The following HMX1 variants were observed in gnomAD, a reference collection of about 807,000 sequenced individuals.
The protein encoded by HMX1 is H6 family homeobox 1.
Under a neutral mutation model 8.9 loss-of-function variants are expected in HMX1, and 8 were observed. The ratio of observed to expected loss-of-function variants is 0.90; its 90% confidence interval spans 0.53 to 1.63. HMX1 has a LOEUF of 1.63. Ranked by LOEUF, HMX1 falls within the 40% of genes most tolerant of loss-of-function variation. The pLI, the probability that HMX1 is intolerant of heterozygous loss-of-function variation, is 0.00. For missense variants in HMX1, 621 were observed against 558.5 expected, an observed-to-expected ratio of 1.11 and a Z score of -1.13; for synonymous variants, 311 against 283.4, an observed-to-expected ratio of 1.10 and a Z score of -0.98.
At chr4:8,852,482 G>A (rs1481092592) in intron 1 of HMX1, among the ~76,000 whole-genome samples, 2 of 152,232 alleles carry the variant, frequency 1.3e-5, no homozygotes, top group Non-Finnish European at 2.9e-5. Flanking sequence ...CTTCCTCCAG[G>A]TCGGCCTGAC....
At chr4:8,859,249 T>C (rs1475738710) in intron 1 of HMX1, among the ~76,000 whole-genome samples, 1 of 149,506 alleles carries the variant, frequency 6.7e-6, no homozygotes, top group African/African-American at 2.5e-5. Context: ...CAGGCAAATA[T>C]GGGGGATTCT....
At position 8,861,827 on chromosome 4, in the gene HMX1, T is replaced by G. The variant is rs138320412; in HGVS notation, c.394+9394A>C. ...CGCACCTTTCGCGTGGGTCGGGCGC[T>G]GCAGACCAAGCACGCCGAGTGCGTC... On this transcript the variant is annotated intron_variant, in intron 1 of 1. Transcript: ENST00000506970. Among the ~76,000 whole-genome samples, 569 of 152,348 alleles carry G rather than the reference T, an allele frequency of 3.7e-3. 9 individuals carry two copies. Among genetic ancestry groups the G allele is most frequent in the East Asian group, 0.027 (142 of 5,166 alleles).
chr4:8,864,240 G>A (rs1721920061), downstream of HMX1, among the ~76,000 whole-genome samples: 1 of 152,226 alleles, frequency 6.6e-6, no homozygotes, highest in Non-Finnish European at 1.5e-5. Context: ...GGAAACGGAG[G>A]CCTGGAGGAG....
intron 1 of HMX1, among the ~76,000 whole-genome samples, chr4:8,860,059 T>C (rs1381389619): frequency 6.6e-6 from 1 of 152,208 alleles, no homozygotes; most frequent in East Asian, 1.9e-4. Flanking sequence ...CAGCGCGAAC[T>C]GCGTCAGGGG....
Position 8,858,925 on chromosome 4 carries a change from T to G in HMX1, c.394+12296A>C, listed in dbSNP as rs557168036. On this transcript the variant is annotated intron_variant, in intron 1 of 1. Coordinates refer to the HMX1 transcript ENST00000506970. ...CTTCGTCACGCGGTGGTGGTGGTGG[T>G]GGGGGGTGCAATAGCCCCTCTGGTT... 301 of 152,328 alleles carry G rather than the reference T, an allele frequency of 2.0e-3. 2 individuals are homozygous for G. The highest frequency in any genetic ancestry group is 5.6e-3 in the African/African-American group (234 of 41,500). 9.4% of individuals were successfully genotyped at this position (152,328 alleles called of 1,614,324 possible).
At position 8,849,298 on chromosome 4, in the gene HMX1, T is replaced by C. The variant is rs576875438; in HGVS notation, c.395-2974A>G. Among the ~76,000 whole-genome samples, 4 of 152,028 alleles carry C rather than the reference T, an allele frequency of 2.6e-5. No homozygotes were observed. Among genetic ancestry groups the C allele is most frequent in the African/African-American group, 9.6e-5 (4 of 41,492 alleles). ...TCTTCCTGAGGTAAGCAAGCTGAAA[T>C]GCAGGCAGGGCCCTACCCCAAGCTG... On this transcript the variant is annotated intron_variant, in intron 1 of 1. Transcript: ENST00000506970. This position sits in a 1 kb window ranked among gnomAD's most constrained non-coding sequence, Gnocchi z 6.6.
rs1722053245 is a variant in HMX1 at position 8,867,729 on chromosome 4, C to T, written c.1011G>A (p.Val337=). 3 of 1,288,530 alleles carry T rather than the reference C, an allele frequency of 2.3e-6. No homozygotes were observed. Among genetic ancestry groups the T allele is most frequent in the Non-Finnish European group, 2.0e-6 (2 of 1,021,282 alleles). 79.8% of individuals were successfully genotyped at this position (1,288,530 alleles called of 1,614,324 possible). A position where few individuals can be genotyped will look rare whatever the true frequency, so the allele number is the denominator to read the frequency against. ...CAGGCATCTGCGCCCGCAGAAAGGG[C>T]ACGGAGGCGGCGGCCGGGAAGGCGG... ...PLAAFPAAAS[V]PFLRAQMPGL... is the part of the protein sequence containing the mutation. The change falls in exon 2 of 2, where the codon GTG becomes GTA. Residue 337 remains valine (V), a synonymous_variant. Coordinates refer to ENST00000400677, the MANE Select transcript of HMX1 (RefSeq NM_018942.3).
rs1722054113 is a variant in HMX1, at chr4:8,867,745, G to C, written c.995C>G (p.Pro332Arg). The change falls in exon 2 of 2, where the codon CCG (proline) becomes CGG (arginine). Residue 332 changes from proline to arginine, a missense_variant. By Grantham distance (103) the Pro-to-Arg change is moderately radical. Coordinates refer to ENST00000400677, the MANE Select transcript of HMX1 (RefSeq NM_018942.3). Reference protein sequence around the residue: ...GALAYPLAAFPAAASVPFLRA... With the variant: ...GALAYPLAAFRAAASVPFLRA... ...CAGAAAGGGCACGGAGGCGGCGGCC[G>C]GGAAGGCGGCCAGCGGGTAGGCGAG... 1.6e-6 allele frequency: 2 copies of C among 1,290,292 alleles called. No individual in the cohort carries two copies. Among genetic ancestry groups the C allele is most frequent in the Non-Finnish European group, 9.8e-7 (1 of 1,022,538 alleles). 79.9% of individuals were successfully genotyped at this position (1,290,292 alleles called of 1,614,324 possible).
chr4:8,856,585 G>T (rs555396746), intron 1 of HMX1, among the ~76,000 whole-genome samples: 1 of 152,284 alleles, frequency 6.6e-6, no homozygotes, highest in East Asian at 1.9e-4. Context: ...TGGGGATGCG[G>T]GTGGTGGCTA....
chr4:8,865,092 G>A (rs1369210165), downstream of HMX1, among the ~76,000 whole-genome samples: 1 of 152,182 alleles, frequency 6.6e-6, no homozygotes, highest in Non-Finnish European at 1.5e-5. Flanking sequence ...GTGGCCCGGA[G>A]TCAGGTGACT....
chr4:8,850,247 C>G (rs930727501), intron 1 of HMX1, among the ~76,000 whole-genome samples: 2 of 152,154 alleles, frequency 1.3e-5, no homozygotes, highest in Non-Finnish European at 2.9e-5. Flanking sequence ...CCCCTCAGAG[C>G]CGACCTCTGC....
intron 1 of HMX1, among the ~76,000 whole-genome samples, chr4:8,854,695 T>C (rs534595520): frequency 6.6e-6 from 1 of 152,348 alleles, no homozygotes; most frequent in Admixed American, 6.5e-5. Context: ...GTGCTCCCTG[T>C]CTCTCTGTCT....
rs1722024862 is a variant in HMX1 at position 8,867,175 on chromosome 4, A to C, written c.*518T>G. ...GCTCCTGGAACGGACGATGGGACCC[A>C]CAGGTCCAGGGTCCTTTCTCCACCA... On this transcript the variant is annotated 3_prime_UTR_variant, in exon 2 of 2. Coordinates refer to ENST00000400677, the MANE Select transcript of HMX1 (RefSeq NM_018942.3). 1.0e-6 allele frequency: 1 copy of C among 985,268 alleles called. No individual in the cohort carries two copies. Among genetic ancestry groups the C allele is most frequent in the South Asian group, 4.7e-5 (1 of 21,296 alleles). The allele number at this position is 985,268 out of a possible 1,614,324, so 61.0% of individuals were successfully genotyped here. A position where few individuals can be genotyped will look rare whatever the true frequency, so the allele number is the denominator to read the frequency against.
At chr4:8,863,040 A>C (rs191776592), downstream of HMX1, among the ~76,000 whole-genome samples, 75 of 77,298 alleles carry the variant, frequency 9.7e-4, no homozygotes, top group African/African-American at 4.2e-3. Context: ...CCAGCGAACG[A>C]ATTTCCGGTG....
At chr4:8,858,062 T>A (rs1209874704) in intron 1 of HMX1, among the ~76,000 whole-genome samples, 1 of 151,328 alleles carries the variant, frequency 6.6e-6, no homozygotes, top group African/African-American at 2.4e-5. Context: ...AAGACGGGGA[T>A]CAATGCCGGG....
In HMX1 at chr4:8,867,896, C is replaced by A; in HGVS notation, c.844G>T (p.Val282Leu). 1 of 1,372,116 alleles carries A rather than the reference C, an allele frequency of 7.3e-7. No homozygotes were observed. Among genetic ancestry groups the A allele is most frequent in the Non-Finnish European group, 9.4e-7 (1 of 1,060,704 alleles). The allele number at this position is 1,372,116 out of a possible 1,614,324, so 85.0% of individuals were successfully genotyped here. A position where few individuals can be genotyped will look rare whatever the true frequency, so the allele number is the denominator to read the frequency against. ...SPPGAQRLVR[V>L]PVLYHESPPA... ...GGGCTTTCGTGGTAGAGCACCGGCA[C>A]GCGGACCAGGCGCTGCGCTCCCGGC... Residue 282 changes from valine (V) to leucine (L), a missense_variant, in exon 2 of 2, where the codon GTG (valine) becomes TTG (leucine). By Grantham distance (32) the Val-to-Leu change is conservative (BLOSUM62 1). Coordinates refer to ENST00000400677, the MANE Select transcript of HMX1 (RefSeq NM_018942.3).
At chr4:8,850,703 C>T (rs1577191517) in intron 1 of HMX1, among the ~76,000 whole-genome samples, 1 of 152,378 alleles carries the variant, frequency 6.6e-6, no homozygotes, top group African/African-American at 2.4e-5. Context: ...CCCTCCGCCT[C>T]CCTGGAACAC....
chr4:8,868,008 C>T lies in HMX1; in HGVS notation c.732G>A (p.Glu244=). The change falls in exon 2 of 2, where the codon GAG becomes GAA. Residue 244 remains glutamate (E), a synonymous_variant. Coordinates refer to ENST00000400677, the MANE Select transcript of HMX1 (RefSeq NM_018942.3). This position sits in a 1 kb window ranked among gnomAD's most constrained non-coding sequence, Gnocchi z 4.6. The part of the protein sequence containing the change: ...AGLAASLQLT[E]TQVKIWFQNR... ...TCTGGAACCAGATCTTAACCTGCGTCTCGGTGAGCTGCAGGGAGGCGGCCA... is the reference window on the plus strand; with the variant it reads ...TCTGGAACCAGATCTTAACCTGCGTTTCGGTGAGCTGCAGGGAGGCGGCCA... 1 of 1,544,750 alleles carries T rather than the reference C, an allele frequency of 6.5e-7. No individual in the cohort carries two copies. Among genetic ancestry groups the T allele is most frequent in the South Asian group, 1.2e-5 (1 of 84,052 alleles).
intron 1 of HMX1, among the ~76,000 whole-genome samples, chr4:8,852,931 G>T (rs928849369): frequency 6.6e-6 from 1 of 151,942 alleles, no homozygotes; most frequent in Non-Finnish European, 1.5e-5. Context: ...GTGAGAGCTG[G>T]TGCTTCAGCA....
Sources: gnomAD v4.1 joint callset for allele counts (sites outside exome capture counted in the v4.1 genomes callset) on GRCh38, gnomAD v4.1.1 for gene constraint, Gnocchi (gnomAD v3.1) non-coding constraint, MANE v1.5 for transcripts, NCBI Gene and HGNC (gene_info 2026-07-23, HGNC 2026-07-21) for gene names.